SLIT3: variants seen among roughly 807,000 people sequenced by gnomAD.
SLIT3 encodes the protein slit homolog 3 protein.
Under a neutral mutation model 184.0 loss-of-function variants are expected in SLIT3, and 68 were observed. The observed-to-expected ratio is 0.37, with a 90% confidence interval of 0.30 to 0.45. SLIT3 has a LOEUF of 0.45. Ranked by LOEUF, SLIT3 falls within the 20% of genes least tolerant of loss-of-function variation. The pLI, the probability that SLIT3 is intolerant of heterozygous loss-of-function variation, is 1.00. For synonymous variants in SLIT3, 831 were observed against 828.6 expected (o/e 1.00, Z -0.05); for missense variants, 1,707 against 2,026.0 (o/e 0.84, Z 3.02).
chr5:168,795,153 A>G (rs1756523442), intron 10 of SLIT3, among the ~76,000 whole-genome samples: 2 of 152,288 alleles, frequency 1.3e-5, no homozygotes, highest in East Asian at 3.9e-4. Flanking sequence ...GGCCACCATC[A>G]CATCTCTGCT....
At chr5:168,822,370 T>G (rs1490253996) in intron 7 of SLIT3, among the ~76,000 whole-genome samples, 1 of 152,170 alleles carries the variant, frequency 6.6e-6, no homozygotes, top group Non-Finnish European at 1.5e-5. Flanking sequence ...ACAGAGCTAA[T>G]AAAGGGGACT....
In SLIT3 at chr5:168,673,331, A is replaced by G. The variant is rs948361605; in HGVS notation, c.3687T>C (p.Ser1229=). ...SLSSPPTTVY[S]VETVNDGQFH... is the part of the protein sequence containing the mutation. ...ACTGCCCATCATTCACTGTCTCCAC[A>G]CTGGCCAGTAGAGAAGGGGAGAAAG... The change falls in exon 33 of 36, where the codon AGT becomes AGC. Residue 1229 remains serine (S), a splice_region_variant and synonymous_variant. Transcript: ENST00000519560. 24 of 1,613,980 alleles carry G rather than the reference A, an allele frequency of 1.5e-5. No homozygotes were observed. Among genetic ancestry groups the G allele is most frequent in the South Asian group, 2.2e-5 (2 of 91,072 alleles).
chr5:169,237,926 C>A (rs1442272327), intron 3 of SLIT3, among the ~76,000 whole-genome samples: 1 of 152,080 alleles, frequency 6.6e-6, no homozygotes, highest in Non-Finnish European at 1.5e-5. Flanking sequence ...AGATTTGTAT[C>A]CAGATTCATT....
chr5:169,077,533 C>A (rs910825393), intron 4 of SLIT3, among the ~76,000 whole-genome samples: 1 of 150,914 alleles, frequency 6.6e-6, no homozygotes, highest in Admixed American at 6.6e-5. Context: ...AGTGAGACCC[C>A]GTCTCAAAAA....
chr5:168,770,654 T>C (rs2337556), intron 14 of SLIT3, among the ~76,000 whole-genome samples: 74,372 of 151,230 alleles, frequency 0.49, 18,482 homozygotes, highest in East Asian at 0.71. Flanking sequence ...TCGCTTAGCA[T>C]TGTTTTTTTT....
chr5:168,827,323 A>C (rs1028200226), intron 6 of SLIT3, among the ~76,000 whole-genome samples: 3 of 152,208 alleles, frequency 2.0e-5, no homozygotes, highest in Admixed American at 2.0e-4. Context: ...CGTTTCTTTC[A>C]GGGGAGAATT....
At chr5:168,946,441 C>A (rs1347011854) in intron 4 of SLIT3, among the ~76,000 whole-genome samples, 1 of 152,238 alleles carries the variant, frequency 6.6e-6, no homozygotes, top group African/African-American at 2.4e-5. Flanking sequence ...ATAGCCTGGG[C>A]CCTGCCTTTT....
intron 4 of SLIT3, among the ~76,000 whole-genome samples, chr5:169,150,201 C>T (rs951985587): frequency 6.6e-6 from 1 of 152,170 alleles, no homozygotes; most frequent in African/African-American, 2.4e-5. Context: ...TCTGAATCTG[C>T]TCCCCGCTCC....
intron 4 of SLIT3, among the ~76,000 whole-genome samples, chr5:169,136,176 C>T (rs1000670219): frequency 5.3e-5 from 8 of 152,120 alleles, no homozygotes; most frequent in Non-Finnish European, 1.2e-4. Flanking sequence ...AATCGCCTCT[C>T]CAGATCAGGC....
chr5:169,160,101 G>C (rs1176286658), intron 4 of SLIT3, among the ~76,000 whole-genome samples: 1 of 152,180 alleles, frequency 6.6e-6, no homozygotes, highest in East Asian at 1.9e-4. Context: ...CCTTGTTTAA[G>C]CCATTACTAA....
chr5:168,844,729 G>C (rs1581138740), intron 5 of SLIT3, 74 bp from the exon 6 acceptor site: 1 of 1,417,344 alleles, frequency 7.1e-7, no homozygotes, highest in Non-Finnish European at 9.9e-7. Context: ...GGCCACCCGA[G>C]CGCCTGTCCC....
chr5:169,259,943 A>G (rs184648915), intron 1 of SLIT3, among the ~76,000 whole-genome samples: 2 of 152,312 alleles, frequency 1.3e-5, no homozygotes, highest in Non-Finnish European at 2.9e-5. Flanking sequence ...TGTGGTCTAA[A>G]CACCAAGGGG....
chr5:168,912,405 C>T lies in SLIT3; in HGVS notation c.414-29069G>A, dbSNP rs557490939. On this transcript the variant is annotated intron_variant, in intron 4 of 35. Transcript: ENST00000519560. ...AGGTTGGTGTCCCTAACCCCTATTT[C>T]GGTCAAGGGTCAAATGTATATAGCA... 4.6e-5 allele frequency among the ~76,000 whole-genome samples: 7 copies of T among 152,242 alleles called. No individual in the cohort carries two copies. The East Asian group carries it at 1.4e-3, about 29-fold the overall frequency.
chr5:168,968,224 C>G lies in SLIT3; in HGVS notation c.414-84888G>C, dbSNP rs993651004. On this transcript the variant is annotated intron_variant, in intron 4 of 35. Transcript: ENST00000519560. ...ACCATCCTTATCAGCAAGCTTAGCG[C>G]CCCCCTCTCCTCCCATGCCCTTGCT... Among the ~76,000 whole-genome samples, 73 of 152,150 alleles carry G rather than the reference C, an allele frequency of 4.8e-4. 1 individual carries two copies. The highest frequency in any genetic ancestry group is 1.4e-3 in the African/African-American group (59 of 41,422).
At chr5:168,711,505 AC>A (rs1254348604) in intron 24 of SLIT3, among the ~76,000 whole-genome samples, 1 of 152,018 alleles carries the variant, frequency 6.6e-6, no homozygotes, top group East Asian at 1.9e-4. Context: ...TGTGACTGGG[AC>A]GAAAATACTA....
intron 1 of SLIT3, among the ~76,000 whole-genome samples, chr5:169,254,805 G>T (rs1765892998): frequency 6.6e-6 from 1 of 152,194 alleles, no homozygotes; most frequent in Admixed American, 6.5e-5. Flanking sequence ...CAGAGGTCAG[G>T]CACATTAGGT....
chr5:168,746,656 GGT>G (rs1754442592), intron 20 of SLIT3, among the ~76,000 whole-genome samples: 1 of 97,406 alleles, frequency 1.0e-5, no homozygotes, highest in East Asian at 3.4e-4. Flanking sequence ...GTGGGTGTGT[GGT>G]GTGTGAGTGT....
At chr5:169,188,022 A>G (rs1763417529) in intron 4 of SLIT3, among the ~76,000 whole-genome samples, 1 of 152,048 alleles carries the variant, frequency 6.6e-6, no homozygotes, top group African/African-American at 2.4e-5. Context: ...CAGTGGTGTG[A>G]TCTCAGCTCA....
intron 4 of SLIT3, among the ~76,000 whole-genome samples, chr5:169,010,806 G>A (rs1756113690): frequency 6.6e-6 from 1 of 151,948 alleles, no homozygotes. Flanking sequence ...GGGAGGCTGA[G>A]GCAGGAGAAT....
Sources: allele counts gnomAD v4.1 joint callset (sites outside exome capture counted in the v4.1 genomes callset), GRCh38; gene constraint gnomAD v4.1.1; transcripts MANE v1.5; gene names NCBI Gene and HGNC (gene_info 2026-07-23, HGNC 2026-07-21).